Variants in IQCJ observed in about 807,000 individuals in gnomAD.
The protein encoded by IQCJ is IQ motif containing J, also known as IQ domain-containing protein J.
Under a neutral mutation model 11.0 loss-of-function variants are expected in IQCJ, and 9 were observed. That is an observed-to-expected ratio of 0.82 (90% CI 0.49 to 1.43). The LOEUF is 1.43. Ranked by LOEUF, IQCJ falls within the 40% of genes most tolerant of loss-of-function variation. The pLI, the probability that IQCJ is intolerant of heterozygous loss-of-function variation, is 0.00. For missense variants in IQCJ, 146 were observed against 133.2 expected (o/e 1.10, Z -0.47); for synonymous variants, 55 against 51.3 (o/e 1.07, Z -0.31).
chr3:159,106,279 A>G (rs1414480640), intron 1 of IQCJ, among the ~76,000 whole-genome samples: 1 of 152,156 alleles, frequency 6.6e-6, no homozygotes, highest in Non-Finnish European at 1.5e-5. Context: ...GTCAAGTAGG[A>G]AGTTAGAATA....
chr3:159,088,343 G>C (rs899121747), intron 1 of IQCJ, among the ~76,000 whole-genome samples: 1 of 152,104 alleles, frequency 6.6e-6, no homozygotes, highest in Non-Finnish European at 1.5e-5. Context: ...TTCCAAGTAT[G>C]TGGTCAATTT....
At chr3:159,206,454 C>G (rs1724662205) in intron 1 of IQCJ, among the ~76,000 whole-genome samples, 1 of 152,148 alleles carries the variant, frequency 6.6e-6, no homozygotes, top group African/African-American at 2.4e-5. Flanking sequence ...ATGCATTGTC[C>G]AATTTAGGAC....
intron 1 of IQCJ, among the ~76,000 whole-genome samples, chr3:159,216,190 C>T (rs113583725): frequency 5.9e-5 from 9 of 151,898 alleles, no homozygotes; most frequent in Admixed American, 3.3e-4. Context: ...GGCTTGCCAC[C>T]GATTGTCTAG....
At chr3:159,162,847 A>C (rs9758350) in intron 1 of IQCJ, among the ~76,000 whole-genome samples, 97,667 of 151,988 alleles carry the variant, frequency 0.64, 31,577 homozygotes, top group South Asian at 0.76. Flanking sequence ...TTCCTTGACA[A>C]ATACACCCTC....
intron 1 of IQCJ, among the ~76,000 whole-genome samples, chr3:159,145,840 G>T (rs1501290): frequency 1.3e-5 from 2 of 152,166 alleles, no homozygotes; most frequent in Non-Finnish European, 2.9e-5. Flanking sequence ...GTGAGATGCA[G>T]AACTGAGTAG....
intron 1 of IQCJ, among the ~76,000 whole-genome samples, chr3:159,089,717 C>T (rs1717094746): frequency 6.6e-6 from 1 of 151,702 alleles, no homozygotes; most frequent in Non-Finnish European, 1.5e-5. Flanking sequence ...CTCACCGGCT[C>T]CTGAGGCTTC....
At chr3:159,160,199 G>A (rs996576975) in intron 1 of IQCJ, among the ~76,000 whole-genome samples, 4 of 152,206 alleles carry the variant, frequency 2.6e-5, no homozygotes, top group African/African-American at 9.6e-5. Context: ...GAGAGATGCT[G>A]CCCTGTTTCC....
At chr3:159,157,294 G>T (rs997507483) in intron 1 of IQCJ, among the ~76,000 whole-genome samples, 43 of 152,170 alleles carry the variant, frequency 2.8e-4, no homozygotes, top group African/African-American at 9.9e-4. Context: ...ATGGCCAATT[G>T]ACCAGAATCA....
At chr3:159,187,524 C>T (rs769785998) in intron 1 of IQCJ, among the ~76,000 whole-genome samples, 1 of 152,254 alleles carries the variant, frequency 6.6e-6, no homozygotes, top group Admixed American at 6.5e-5. Flanking sequence ...CACGGCAGGG[C>T]TTCGCTCCTG....
At chr3:159,227,677 G>C (rs928405811) in intron 1 of IQCJ, among the ~76,000 whole-genome samples, 1 of 152,142 alleles carries the variant, frequency 6.6e-6, no homozygotes, top group Non-Finnish European at 1.5e-5. Flanking sequence ...TTCTAATTCT[G>C]GCGGGAACAT....
chr3:159,220,148 G>A (rs990085845), intron 1 of IQCJ, among the ~76,000 whole-genome samples: 9 of 152,178 alleles, frequency 5.9e-5, no homozygotes, highest in African/African-American at 2.2e-4. Context: ...ATTTTAAAAG[G>A]TATCTTCTGC....
At chr3:159,184,104 C>G (rs1347884466) in intron 1 of IQCJ, among the ~76,000 whole-genome samples, 2 of 151,916 alleles carry the variant, frequency 1.3e-5, no homozygotes, top group African/African-American at 2.4e-5. Context: ...AAACTCTTTG[C>G]TATGTTCTAC....
downstream of IQCJ, among the ~76,000 whole-genome samples, chr3:159,264,250 T>C (rs911071216): frequency 3.3e-5 from 5 of 152,194 alleles, no homozygotes; most frequent in Admixed American, 2.6e-4. Context: ...AACCTTTCGG[T>C]TTTATTGGAC....
At chr3:159,091,206 G>A (rs979280795) in intron 1 of IQCJ, among the ~76,000 whole-genome samples, 3 of 151,560 alleles carry the variant, frequency 2.0e-5, no homozygotes, top group Admixed American at 1.3e-4. Flanking sequence ...CAGGTGTAGG[G>A]CAGAGACAAT....
rs149476189 is a variant in IQCJ, at chr3:159,203,283, G to A, written c.10-42560G>A. 2.7e-5 allele frequency among the ~76,000 whole-genome samples: 4 copies of A among 149,428 alleles called. No homozygotes were observed. The East Asian group carries it at 8.0e-4, about 30-fold the overall frequency. Reference sequence around the variant, plus strand: ...TGAGCATGTCAGCAGCAGTTATGGAGAGTGTGGTCTGTGAGGTGATTGTGC... The same window carrying A: ...TGAGCATGTCAGCAGCAGTTATGGAAAGTGTGGTCTGTGAGGTGATTGTGC... On this transcript the variant is annotated intron_variant, in intron 1 of 3. Coordinates refer to ENST00000397832, the MANE Select transcript of IQCJ (RefSeq NM_001042706.3).
intron 1 of IQCJ, among the ~76,000 whole-genome samples, chr3:159,133,547 G>A (rs1233005879): frequency 6.6e-6 from 1 of 152,082 alleles, no homozygotes; most frequent in East Asian, 1.9e-4. Flanking sequence ...TGTGATGTGG[G>A]TACACATTAT....
chr3:159,200,047 T>TATATATATATATATATATATATAA (rs946263011), intron 1 of IQCJ, among the ~76,000 whole-genome samples: 2 of 139,906 alleles, frequency 1.4e-5, no homozygotes, highest in Non-Finnish European at 3.0e-5. Flanking sequence ...TATATATATA[T>TATATATATATATATATATATATAA]AAATCTAAAT....
Position 159,102,392 on chromosome 3 carries a change from T to C in IQCJ, c.9+32951T>C, listed in dbSNP as rs1717991471. Reference sequence around the variant, plus strand: ...ATTCAAAATTTCAGGAAAAAATAGTTGCAGAGATTGGGTACGGTAAAAGCT... The same window carrying C: ...ATTCAAAATTTCAGGAAAAAATAGTCGCAGAGATTGGGTACGGTAAAAGCT... On this transcript the variant is annotated intron_variant, in intron 1 of 3. Coordinates refer to ENST00000397832, the MANE Select transcript of IQCJ (RefSeq NM_001042706.3). 2.6e-5 allele frequency among the ~76,000 whole-genome samples: 4 copies of C among 152,318 alleles called. No homozygotes were observed. In the South Asian group the frequency reaches 8.3e-4, roughly 32 times the overall value.
At chr3:159,074,239 C>T (rs1054823064) in intron 1 of IQCJ, among the ~76,000 whole-genome samples, 2 of 151,692 alleles carry the variant, frequency 1.3e-5, no homozygotes, top group African/African-American at 4.8e-5. Flanking sequence ...TCAGGGAGAC[C>T]AGTAAGAAGG....
Sources: gnomAD v4.1 joint callset for allele counts (sites outside exome capture counted in the v4.1 genomes callset) on GRCh38, gnomAD v4.1.1 for gene constraint, MANE v1.5 for transcripts, NCBI Gene and HGNC (gene_info 2026-07-23, HGNC 2026-07-21) for gene names.